Variants in STPG2 observed in about 807,000 individuals in gnomAD.
STPG2 encodes the protein sperm tail PG-rich repeat containing 2.
STPG2 carries 56 observed loss-of-function variants against 54.2 expected under a neutral mutation model. That is an observed-to-expected ratio of 1.03 (90% CI 0.83 to 1.29). STPG2 has a LOEUF of 1.29. Among genes scored for constraint, STPG2 ranks in the 50% most tolerant of loss-of-function variants. STPG2 has a pLI of 0.00. For synonymous variants in STPG2, 200 were observed against 181.8 expected (o/e 1.10, Z -0.81); for missense variants, 596 against 544.9 (o/e 1.09, Z -0.93).
At chr4:98,101,946 C>T (rs1739051704) in intron 5 of STPG2, among the ~76,000 whole-genome samples, 1 of 150,832 alleles carries the variant, frequency 6.6e-6, no homozygotes, top group Admixed American at 6.6e-5. Flanking sequence ...AAACCCTTGC[C>T]ACTTAACAAT....
chr4:97,451,511 T>C (rs780561532), intron 4 of STPG2, among the ~76,000 whole-genome samples: 1 of 152,148 alleles, frequency 6.6e-6, no homozygotes, highest in Admixed American at 6.5e-5. Context: ...ATAATTTTAT[T>C]TTTCTTTTGT....
At chr4:98,066,526 T>G (rs1216815132) in intron 5 of STPG2, among the ~76,000 whole-genome samples, 2 of 152,114 alleles carry the variant, frequency 1.3e-5, no homozygotes, top group East Asian at 3.9e-4. Flanking sequence ...AAGGCAGAGG[T>G]TGCAGTGAGC....
intron 5 of STPG2, among the ~76,000 whole-genome samples, chr4:98,082,357 A>T (rs866144675): frequency 7.2e-5 from 4 of 55,592 alleles, no homozygotes; most frequent in Non-Finnish European, 1.2e-4. Context: ...CCAGAGCTGC[A>T]GCATTTCTTA....
chr4:97,798,742 A>T (rs1727285740), intron 9 of STPG2, among the ~76,000 whole-genome samples: 1 of 95,806 alleles, frequency 1.0e-5, no homozygotes, highest in Non-Finnish European at 2.1e-5. Flanking sequence ...TATCCTTGTT[A>T]ACTTTCTGTC....
intron 9 of STPG2, among the ~76,000 whole-genome samples, chr4:97,830,333 T>G (rs1197869888): frequency 6.6e-6 from 1 of 152,148 alleles, no homozygotes; most frequent in African/African-American, 2.4e-5. Context: ...CGGAGAGATT[T>G]TGTTACCACC....
chr4:97,741,319 TA>T (rs2149036937), intron 9 of STPG2, among the ~76,000 whole-genome samples: 1 of 152,256 alleles, frequency 6.6e-6, no homozygotes, highest in Non-Finnish European at 1.5e-5. Context: ...ACTTCATGTC[TA>T]AAACACCAAA....
chr4:97,652,997 T>A (rs534553693), intron 10 of STPG2, among the ~76,000 whole-genome samples: 1 of 151,982 alleles, frequency 6.6e-6, no homozygotes, highest in African/African-American at 2.4e-5. Context: ...TTTTCAACAG[T>A]AGGAGTTAAA....
intron 10 of STPG2, among the ~76,000 whole-genome samples, chr4:97,646,767 C>A (rs1721924008): frequency 6.6e-6 from 1 of 152,040 alleles, no homozygotes; most frequent in East Asian, 1.9e-4. Flanking sequence ...ATTTCAAAAT[C>A]ATTTGTTAAT....
intron 4 of STPG2, among the ~76,000 whole-genome samples, chr4:97,542,900 C>T (rs1255651171): frequency 1.3e-5 from 2 of 152,074 alleles, no homozygotes; most frequent in African/African-American, 4.8e-5. Context: ...CGCATGTTCT[C>T]ACTCATAGGC....
At chr4:97,844,853 T>C (rs927025113) in intron 8 of STPG2, among the ~76,000 whole-genome samples, 1 of 152,078 alleles carries the variant, frequency 6.6e-6, no homozygotes, top group African/African-American at 2.4e-5. Flanking sequence ...AAACTACTCG[T>C]ATTGTTCAAT....
intron 9 of STPG2, among the ~76,000 whole-genome samples, chr4:97,824,256 T>C (rs1464689937): frequency 6.6e-6 from 1 of 152,094 alleles, no homozygotes; most frequent in Non-Finnish European, 1.5e-5. Flanking sequence ...GACTTCCCCA[T>C]CCCATTGCAG....
At chr4:97,470,585 T>A (rs1341341093) in intron 4 of STPG2, among the ~76,000 whole-genome samples, 7 of 152,108 alleles carry the variant, frequency 4.6e-5, no homozygotes, top group Non-Finnish European at 8.8e-5. Flanking sequence ...TTATACACAT[T>A]CTTATGATAA....
At chr4:97,661,673 A>T (rs1354638406) in intron 10 of STPG2, among the ~76,000 whole-genome samples, 12 of 152,112 alleles carry the variant, frequency 7.9e-5, no homozygotes, top group Admixed American at 7.9e-4. Context: ...GCTCTCCATA[A>T]TAAGTACTTT....
At chr4:97,471,357 T>C (rs1729923229) in intron 4 of STPG2, among the ~76,000 whole-genome samples, 1 of 152,132 alleles carries the variant, frequency 6.6e-6, no homozygotes, top group South Asian at 2.1e-4. Flanking sequence ...TTAAACTGTG[T>C]CAGTTATCTG....
At position 97,559,004 on chromosome 4, in the gene STPG2, G is replaced by T; in HGVS notation, c.*54C>A. 2.1e-6 allele frequency: 3 copies of T among 1,406,906 alleles called. No individual in the cohort carries two copies. The highest frequency in any genetic ancestry group is 2.5e-5 in the South Asian group (2 of 80,060). 87.2% of individuals were successfully genotyped at this position (1,406,906 alleles called of 1,614,324 possible). On this transcript the variant is annotated 3_prime_UTR_variant, in exon 11 of 11. Transcript: ENST00000295268. ...GAATAAATTTTGTTAAAATGACAAA[G>T]AAATAAACTGACTTCCATGAAGTTG...
At chr4:97,861,127 C>A (rs144133917) in intron 8 of STPG2, among the ~76,000 whole-genome samples, 1 of 152,136 alleles carries the variant, frequency 6.6e-6, no homozygotes, top group African/African-American at 2.4e-5. Flanking sequence ...AGATACAGGA[C>A]CTCAAACAAC....
chr4:97,717,603 T>C (rs932354251), intron 9 of STPG2, among the ~76,000 whole-genome samples: 1 of 152,166 alleles, frequency 6.6e-6, no homozygotes, highest in African/African-American at 2.4e-5. Context: ...CTTATCAAAA[T>C]GTACATCCAT....
chr4:98,065,669 G>C (rs552921705), intron 5 of STPG2, among the ~76,000 whole-genome samples: 1 of 152,134 alleles, frequency 6.6e-6, no homozygotes, highest in South Asian at 2.1e-4. Context: ...GGCTATCACT[G>C]CAACAACCAC....
At chr4:97,563,861 A>T (rs1485859468) in intron 10 of STPG2, among the ~76,000 whole-genome samples, 1 of 152,108 alleles carries the variant, frequency 6.6e-6, no homozygotes, top group Non-Finnish European at 1.5e-5. Flanking sequence ...ACTTCTAATG[A>T]TGTGGTCAAT....
Sources: allele counts gnomAD v4.1 joint callset (sites outside exome capture counted in the v4.1 genomes callset), GRCh38; gene constraint gnomAD v4.1.1; transcripts MANE v1.5; gene names NCBI Gene and HGNC (gene_info 2026-07-23, HGNC 2026-07-21).